The following ZNF30 variants were observed in gnomAD, a reference collection of about 807,000 sequenced individuals.
The protein encoded by ZNF30 is zinc finger protein 30 (KOX 28).
ZNF30 carries 15 observed loss-of-function variants against 13.2 expected under a neutral mutation model. The observed-to-expected ratio is 1.13, with a 90% CI of 0.76 to 1.75. The LOEUF is 1.75. Among genes scored for constraint, ZNF30 ranks in the 40% most tolerant of loss-of-function variants. ZNF30 has a pLI of 0.00. For missense variants in ZNF30, 726 were observed against 757.0 expected, an observed-to-expected ratio of 0.96 and a Z score of 0.48; for synonymous variants, 223 against 256.6, an observed-to-expected ratio of 0.87 and a Z score of 1.25.
In ZNF30 at chr19:34,943,719, G is replaced by C; in HGVS notation, c.753G>C (p.Gln251His). ...TATATGGAAAGCTTACCCGGCATCA[G>C]AGTACTCACACTGGTGAAAAACCCT... The part of the protein sequence containing the change: ...FLVYGKLTRH[Q>H]STHTGEKPFG... The change falls in exon 5 of 5, where the codon CAG (glutamine) becomes CAC (histidine). Residue 251 changes from glutamine (Q) to histidine (H), a missense_variant. Gln to His is a conservative substitution (Grantham distance 24). Transcript: ENST00000601142. 1 of 1,613,704 alleles carries C rather than the reference G, an allele frequency of 6.2e-7. No individual in the cohort carries two copies. Among genetic ancestry groups the C allele is most frequent in the Non-Finnish European group, 8.5e-7 (1 of 1,179,736 alleles).
chr19:34,942,797 G>C, intron 4 of ZNF30: 1 of 346,794 alleles, frequency 2.9e-6, no homozygotes, highest in South Asian at 2.6e-5. Context: ...TCTGTGGAAA[G>C]ATACATGGAT....
chr19:34,930,337 A>G (rs2012381486), intron 2 of ZNF30, among the ~76,000 whole-genome samples: 1 of 152,200 alleles, frequency 6.6e-6, no homozygotes. Context: ...AGAGCTGATA[A>G]GATGGAATTT....
At chr19:34,942,379 TGA>T (rs913484513) in intron 4 of ZNF30, among the ~76,000 whole-genome samples, 6 of 150,842 alleles carry the variant, frequency 4.0e-5, no homozygotes, top group African/African-American at 1.5e-4. Flanking sequence ...CCTGGGAGGT[TGA>T]GGCTGCATTG....
chr19:34,943,824 AC>A lies in ZNF30; in HGVS notation c.860del (p.Pro287LeufsTer83), dbSNP rs1342826768. The stretch of plus-strand genomic sequence containing the variant: ...ATCAGCGAATTCATACCAGTGAAAA[AC>A]CTTACGAATGCAAAGAATGTGGGAA... Reference protein sequence around the residue: ...QHQRIHTSEKPYECKECGKAF... With the variant: ...QHQRIHTSEKXYECKECGKAF... On this transcript the variant is annotated frameshift_variant, in exon 5 of 5. Transcript: ENST00000601142. LOFTEE classifies it low-confidence loss of function (END_TRUNC). The A allele has an allele frequency of 5.0e-6, 8 of 1,613,874 alleles. No homozygotes were observed. Among genetic ancestry groups the A allele is most frequent in the Non-Finnish European group, 6.8e-6 (8 of 1,179,976 alleles).
In ZNF30 at chr19:34,944,633, T is replaced by C. The variant is rs771203893; in HGVS notation, c.1667T>C (p.Ile556Thr). ...GCCTTTACTGTTTATGGACAACTTA[T>C]TGGACATCAGAGTGTTCACACTGGT... The part of the protein sequence containing the change: ...GKAFTVYGQL[I>T]GHQSVHTGEK... The change falls in exon 5 of 5, where the codon ATT becomes ACT. Residue 556 changes from isoleucine to threonine, a missense_variant. Physicochemically the swap from Ile to Thr is moderately conservative, Grantham distance 89 (BLOSUM62 -1). Transcript: ENST00000601142. 19 of 1,613,954 alleles carry C rather than the reference T, an allele frequency of 1.2e-5. No homozygotes were observed. Among genetic ancestry groups the C allele is most frequent in the Middle Eastern group, 1.6e-4 (1 of 6,084 alleles).
chr19:34,925,953 CT>C (rs2012056289), upstream of ZNF30, among the ~76,000 whole-genome samples: 1 of 152,156 alleles, frequency 6.6e-6, no homozygotes, highest in African/African-American at 2.4e-5. Context: ...GGGTGGATCG[CT>C]TGAGCCCAGG....
chr19:34,938,220 T>C (rs1386088183), intron 4 of ZNF30, among the ~76,000 whole-genome samples: 4 of 152,240 alleles, frequency 2.6e-5, no homozygotes, highest in Non-Finnish European at 2.9e-5. Context: ...ACAGCAGTCC[T>C]CTTGAGGCAT....
intron 4 of ZNF30, among the ~76,000 whole-genome samples, chr19:34,941,431 A>C (rs1432755470): frequency 1.3e-5 from 2 of 152,126 alleles, no homozygotes; most frequent in South Asian, 2.1e-4. Flanking sequence ...TGCCCAGCTA[A>C]TTTTTGTATT....
At position 34,931,909 on chromosome 19, in the gene ZNF30, C is replaced by G; in HGVS notation, c.76C>G (p.Gln26Glu). 1 of 1,613,124 alleles carries G rather than the reference C, an allele frequency of 6.2e-7. No individual in the cohort carries two copies. The highest frequency in any genetic ancestry group is 1.1e-5 in the South Asian group (1 of 90,836). ...GGATGTGGCCATAGCCTTCTCCCAG[C>G]AGGAGTGGGAGAGTCTGGACTCTTC... is the stretch of plus-strand genomic sequence containing the variant. ...FEDVAIAFSQ[Q>E]EWESLDSSQR... Residue 26 changes from glutamine (Q) to glutamate (E), a missense_variant, in exon 3 of 5, where the codon CAG becomes GAG. Coordinates refer to ENST00000601142, the MANE Select transcript of ZNF30 (RefSeq NM_194325.3).
upstream of ZNF30, chr19:34,923,975 C>G (rs950365625): frequency 6.6e-6 from 1 of 152,222 alleles, no homozygotes; most frequent in Non-Finnish European, 1.5e-5. Context: ...TAGAACATCA[C>G]TGACAGTGGC....
At chr19:34,932,781 CTT>C (rs201053147) in intron 3 of ZNF30, among the ~76,000 whole-genome samples, 65 of 135,348 alleles carry the variant, frequency 4.8e-4, no homozygotes, top group African/African-American at 9.6e-4. Context: ...GTCATACTTT[CTT>C]TTTTTTTTTT....
chr19:34,930,644 G>A (rs1321388369), intron 2 of ZNF30, among the ~76,000 whole-genome samples: 1 of 152,124 alleles, frequency 6.6e-6, no homozygotes, highest in Non-Finnish European at 1.5e-5. Flanking sequence ...GATCACTTGA[G>A]CCCAGGAGTT....
chr19:34,928,220 A>AAAATATAT (rs1555778254), intron 1 of ZNF30, among the ~76,000 whole-genome samples: 212 of 73,228 alleles, frequency 2.9e-3, no homozygotes, highest in Middle Eastern at 9.6e-3. Flanking sequence ...AAAAAAAAAA[A>AAAATATAT]ATATATATAT....
chr19:34,932,731 C>T (rs1177046394), intron 3 of ZNF30, among the ~76,000 whole-genome samples: 2 of 151,912 alleles, frequency 1.3e-5, no homozygotes, highest in African/African-American at 2.4e-5. Context: ...AACTTGAACC[C>T]AGGCACTTAG....
Position 34,944,877 on chromosome 19 carries a change from A to C in ZNF30, c.*39A>C. 1 of 1,507,994 alleles carries C rather than the reference A, an allele frequency of 6.6e-7. No individual in the cohort carries two copies. Among genetic ancestry groups the C allele is most frequent in the Non-Finnish European group, 8.9e-7 (1 of 1,126,766 alleles). 93.4% of individuals were successfully genotyped at this position (1,507,994 alleles called of 1,614,324 possible). A position where few individuals can be genotyped will look rare whatever the true frequency, so the allele number is the denominator to read the frequency against. ...GTGGGAAGTGCTTCGTGTGTGGCTC[A>C]AACATTGTTGAACATCGGGGAATTT... On this transcript the variant is annotated 3_prime_UTR_variant, in exon 5 of 5. Coordinates refer to ENST00000601142, the MANE Select transcript of ZNF30 (RefSeq NM_194325.3).
At chr19:34,929,010 C>T (rs753240916) in intron 1 of ZNF30, among the ~76,000 whole-genome samples, 20 of 152,072 alleles carry the variant, frequency 1.3e-4, no homozygotes, top group Non-Finnish European at 2.2e-4. Context: ...CGGCTGCGCG[C>T]GGTGGCTCAC....
At chr19:34,924,367 C>G (rs1433839022), upstream of ZNF30, among the ~76,000 whole-genome samples, 1 of 152,152 alleles carries the variant, frequency 6.6e-6, no homozygotes, top group Non-Finnish European at 1.5e-5. Flanking sequence ...ATGGAACCCA[C>G]ATTTCCCTCT....
chr19:34,928,262 T>C (rs996728410), intron 1 of ZNF30, among the ~76,000 whole-genome samples: 3 of 53,684 alleles, frequency 5.6e-5, no homozygotes, highest in African/African-American at 4.8e-4. Flanking sequence ...TATAGATAGA[T>C]AGATAGATAG....
rs558660893 is a variant in ZNF30, at chr19:34,937,964, T to A, written c.256+4241T>A. ...GCGCCTGCCACCATGCCTGGCTAAT[T>A]TTTGTATTTTTAGTAGAGGTGGGGT... On this transcript the variant is annotated intron_variant, in intron 4 of 4. Coordinates refer to ENST00000601142, the MANE Select transcript of ZNF30 (RefSeq NM_194325.3). Among the ~76,000 whole-genome samples, 5 of 152,158 alleles carry A rather than the reference T, an allele frequency of 3.3e-5. No homozygotes were observed. The East Asian group carries it at 9.7e-4, about 30-fold the overall frequency.
Sources: allele counts gnomAD v4.1 joint callset (sites outside exome capture counted in the v4.1 genomes callset), GRCh38; gene constraint gnomAD v4.1.1; transcripts MANE v1.5; gene names NCBI Gene and HGNC (gene_info 2026-07-23, HGNC 2026-07-21).